PLCB1: variants seen among roughly 807,000 people sequenced by gnomAD.
PLCB1 encodes the protein phospholipase C beta 1, also known as 1-phosphatidylinositol 4,5-bisphosphate phosphodiesterase beta-1.
Under a neutral mutation model 161.8 loss-of-function variants are expected in PLCB1, and 46 were observed. The observed-to-expected ratio is 0.28, with a 90% CI of 0.22 to 0.36. PLCB1 has a LOEUF of 0.36. PLCB1 is among the 10% of genes least tolerant of loss of function. The pLI is 1.00. For synonymous variants in PLCB1, 517 were observed against 503.7 expected (o/e 1.03, Z -0.35); for missense variants, 1,016 against 1,472.5 (o/e 0.69, Z 5.07).
At chr20:8,265,503 C>G (rs1327481946) in intron 2 of PLCB1, among the ~76,000 whole-genome samples, 1 of 152,002 alleles carries the variant, frequency 6.6e-6, no homozygotes, top group Non-Finnish European at 1.5e-5. Context: ...AAAAACAGAG[C>G]TTTCACAGGC....
Position 8,132,450 on chromosome 20 carries a change from G to A in PLCB1, c.-202G>A, listed in dbSNP as rs1237292249. 1.3e-5 allele frequency: 4 copies of A among 319,054 alleles called. No individual in the cohort carries two copies. The highest frequency in any genetic ancestry group is 2.3e-5 in the Non-Finnish European group (4 of 175,650). 19.8% of individuals were successfully genotyped at this position (319,054 alleles called of 1,614,324 possible). A position where few individuals can be genotyped will look rare whatever the true frequency, so the allele number is the denominator to read the frequency against. ...CGCGTCCCGCCCGGGGCATGGCCGG[G>A]CGCTGCGCCCCCGCGCGCTCTGCCT... On this transcript the variant is annotated 5_prime_UTR_variant, in exon 1 of 32. Transcript: ENST00000338037. The surrounding 1 kb of genome is among the most constrained non-coding windows in gnomAD (Gnocchi z 5.2).
chr20:8,824,783 A>G (rs1014293076), intron 31 of PLCB1, among the ~76,000 whole-genome samples: 30 of 152,206 alleles, frequency 2.0e-4, no homozygotes, highest in Non-Finnish European at 1.0e-4. Flanking sequence ...GAAAGATAAA[A>G]ATCCATAAAA....
rs1277507020 is a variant in PLCB1, at chr20:8,136,504, T to C, written c.99+3754T>C. Among the ~76,000 whole-genome samples, 65 of 151,734 alleles carry C rather than the reference T, an allele frequency of 4.3e-4. 1 individual carries two copies. Among genetic ancestry groups the C allele is most frequent in the Non-Finnish European group, 7.5e-4 (51 of 67,994 alleles). ...AGCCGGGCGTGGTGGCGGGCGCCTG[T>C]AGTCCCAGCTGCTCGGGAGGCTGAG... is the stretch of plus-strand genomic sequence containing the variant. On this transcript the variant is annotated intron_variant, in intron 1 of 31. Coordinates refer to ENST00000338037, the MANE Select transcript of PLCB1 (RefSeq NM_015192.4).
chr20:8,233,169 C>A (rs1408793709), intron 2 of PLCB1, among the ~76,000 whole-genome samples: 2 of 152,128 alleles, frequency 1.3e-5, no homozygotes, highest in Admixed American at 1.3e-4. Context: ...TTTATTCAAT[C>A]CCATCAAATA....
At chr20:8,836,447 C>G (rs1986287249) in intron 31 of PLCB1, among the ~76,000 whole-genome samples, 1 of 152,198 alleles carries the variant, frequency 6.6e-6, no homozygotes, top group East Asian at 1.9e-4. Context: ...GATTCTGTCT[C>G]TCTGGAGAAC....
At chr20:8,466,725 G>A (rs975883765) in intron 3 of PLCB1, among the ~76,000 whole-genome samples, 5 of 152,004 alleles carry the variant, frequency 3.3e-5, no homozygotes, top group Non-Finnish European at 5.9e-5. Context: ...ACTGAGCTCC[G>A]TAAAATTTTT....
At chr20:8,466,038 G>A (rs1245000137) in intron 3 of PLCB1, among the ~76,000 whole-genome samples, 60 of 142,668 alleles carry the variant, frequency 4.2e-4, no homozygotes, top group African/African-American at 1.0e-3. Context: ...TGTTTATTGC[G>A]GCATTATTCA....
In PLCB1 at chr20:8,781,550, A is replaced by G. The variant is rs530768742; in HGVS notation, c.3111+6831A>G. Among the ~76,000 whole-genome samples, 5 of 152,066 alleles carry G rather than the reference A, an allele frequency of 3.3e-5. No homozygotes were observed. The South Asian group carries it at 1.0e-3, about 32-fold the overall frequency. On this transcript the variant is annotated intron_variant, in intron 27 of 31. Transcript: ENST00000338037. ...TTTTAACGCTTTTTCATGGCTTCGT[A>G]TTACTTTATTGCATGAATGTAGCTT...
In PLCB1 at chr20:8,679,990, G is replaced by C. The variant is rs928965488; in HGVS notation, c.863-4942G>C. ...TAGACTTTTAGAGCTAGAGGAGACT[G>C]AGGCATCCATATAGTTTACTCATCC... On this transcript the variant is annotated intron_variant, in intron 9 of 31. Coordinates refer to ENST00000338037, the MANE Select transcript of PLCB1 (RefSeq NM_015192.4). Among the ~76,000 whole-genome samples the C allele has an allele frequency of 2.0e-5, 3 of 152,162 alleles. 1 individual carries two copies. The South Asian group carries it at 6.2e-4, about 32-fold the overall frequency.
chr20:8,193,562 GT>G lies in PLCB1; in HGVS notation c.177+43195del, dbSNP rs756476933. Among the ~76,000 whole-genome samples, 13 of 152,114 alleles carry G rather than the reference GT, an allele frequency of 8.5e-5. No individual in the cohort carries two copies. In the East Asian group the frequency reaches 1.4e-3, roughly 16 times the overall value. ...GAGATATAAAAAACAGAATAAAAGTGTTTTGTAGTGGGTGGAAACTGGTAGA... is the reference window on the plus strand; with the variant it reads ...GAGATATAAAAAACAGAATAAAAGTGTTTGTAGTGGGTGGAAACTGGTAGA... On this transcript the variant is annotated intron_variant, in intron 2 of 31. Coordinates refer to ENST00000338037, the MANE Select transcript of PLCB1 (RefSeq NM_015192.4).
At chr20:8,342,420 T>C (rs1343687258) in intron 2 of PLCB1, among the ~76,000 whole-genome samples, 1 of 152,230 alleles carries the variant, frequency 6.6e-6, no homozygotes, top group Non-Finnish European at 1.5e-5. Flanking sequence ...TTCCTTTGAC[T>C]TTCCACTTAA....
intron 9 of PLCB1, among the ~76,000 whole-genome samples, chr20:8,671,477 GA>G (rs1487683473): frequency 6.6e-6 from 1 of 152,140 alleles, no homozygotes; most frequent in African/African-American, 2.4e-5. Flanking sequence ...GCAGAGATTA[GA>G]ATGTAAATTA....
chr20:8,247,713 T>C (rs1980950171), intron 2 of PLCB1, among the ~76,000 whole-genome samples: 1 of 151,842 alleles, frequency 6.6e-6, no homozygotes, highest in African/African-American at 2.4e-5. Flanking sequence ...CAATATTTTT[T>C]TACTCTCAAA....
chr20:8,851,299 C>T (rs1200891215), intron 31 of PLCB1, among the ~76,000 whole-genome samples: 6 of 152,212 alleles, frequency 3.9e-5, no homozygotes, highest in Admixed American at 3.9e-4. Flanking sequence ...CTTTACCTCT[C>T]TTCCTCCTAA....
chr20:8,181,026 G>A (rs932419559), intron 2 of PLCB1, among the ~76,000 whole-genome samples: 4 of 151,602 alleles, frequency 2.6e-5, no homozygotes, highest in African/African-American at 7.3e-5. Context: ...CGAGAGAGGC[G>A]GATTACCTGA....
chr20:8,337,676 A>G (rs1985635365), intron 2 of PLCB1, among the ~76,000 whole-genome samples: 1 of 152,220 alleles, frequency 6.6e-6, no homozygotes, highest in Admixed American at 6.5e-5. Context: ...GCTAAACTAG[A>G]GGACACTGGG....
intron 31 of PLCB1, among the ~76,000 whole-genome samples, chr20:8,863,931 G>A (rs576926562): frequency 2.6e-5 from 4 of 152,244 alleles, no homozygotes; most frequent in Admixed American, 2.6e-4. Flanking sequence ...GATTAAGTTG[G>A]TAGGGTTTCT....
At chr20:8,606,782 T>G (rs1987770372) in intron 3 of PLCB1, among the ~76,000 whole-genome samples, 1 of 152,224 alleles carries the variant, frequency 6.6e-6, no homozygotes, top group Non-Finnish European at 1.5e-5. Flanking sequence ...TTGACAGAAT[T>G]TCTCTCAAAC....
intron 31 of PLCB1, chr20:8,831,119 G>A (rs1240762167): frequency 6.6e-6 from 1 of 152,108 alleles, no homozygotes; most frequent in Non-Finnish European, 1.5e-5. Flanking sequence ...TAGATTATTT[G>A]GCCTTGGTGT....
Sources: gnomAD v4.1 joint callset for allele counts (sites outside exome capture counted in the v4.1 genomes callset) on GRCh38, gnomAD v4.1.1 for gene constraint, Gnocchi (gnomAD v3.1) non-coding constraint, MANE v1.5 for transcripts, NCBI Gene and HGNC (gene_info 2026-07-23, HGNC 2026-07-21) for gene names.